The following TNS1 variants were observed in gnomAD, a reference collection of about 807,000 sequenced individuals.
TNS1 encodes tensin 1, also known as tensin-1.
TNS1 carries 62 observed loss-of-function variants against 168.6 expected under a neutral mutation model. The ratio of observed to expected loss-of-function variants is 0.37; its 90% CI spans 0.30 to 0.45. The LOEUF (loss-of-function observed/expected upper bound fraction) is 0.45. Among genes scored for constraint, TNS1 ranks in the 20% least tolerant of loss-of-function variants. The pLI, the probability that TNS1 is intolerant of heterozygous loss-of-function variation, is 1.00. For synonymous variants in TNS1, 934 were observed against 933.2 expected (o/e 1.00, Z -0.02); for missense variants, 2,240 against 2,339.4 (o/e 0.96, Z 0.88).
intron 2 of TNS1, among the ~76,000 whole-genome samples, chr2:217,982,679 A>C (rs562337428): frequency 1.3e-5 from 2 of 152,188 alleles, no homozygotes; most frequent in Non-Finnish European, 2.9e-5. Flanking sequence ...CTAGGATTAC[A>C]GGAGTGAACC....
intron 3 of TNS1, among the ~76,000 whole-genome samples, chr2:217,931,349 C>T (rs1184604629): frequency 2.0e-5 from 3 of 152,094 alleles, no homozygotes; most frequent in East Asian, 3.9e-4. Context: ...TGTGCTAGAA[C>T]AGTAAGGCAG....
intron 16 of TNS1, 104 bp downstream of exon 16, chr2:217,884,931 C>A: frequency 6.9e-7 from 1 of 1,452,962 alleles, no homozygotes; most frequent in Non-Finnish European, 9.4e-7. Context: ...AGACAGACCA[C>A]ATGGTCCAGA....
chr2:217,814,924 A>G lies in TNS1; in HGVS notation c.4717T>C (p.Ser1573Pro), dbSNP rs758939352. ...GCCCAGCACTCACCCTGCTCCCTGG[A>G]GATCTCAGGCTTGTACCAATACTTA... Reference protein sequence around the residue: ...TSKYWYKPEISREQAIALLKD... With the variant: ...TSKYWYKPEIPREQAIALLKD... The change falls in exon 25 of 33, where the codon TCC becomes CCC. Residue 1573 changes from serine (S) to proline (P), a missense_variant. Physicochemically the swap from Ser to Pro is moderately conservative, Grantham distance 74. This residue lies in a region of TNS1 where 2,131 missense variants were observed against 2,171.2 expected (regional missense o/e 0.98). Coordinates refer to ENST00000682258, the MANE Select transcript of TNS1 (RefSeq NM_001387777.1). 1.8e-5 allele frequency: 29 copies of G among 1,613,202 alleles called. No individual in the cohort carries two copies. The South Asian group carries it at 3.1e-4, about 17-fold the overall frequency.
chr2:217,852,249 G>C (rs1947605751), intron 18 of TNS1, among the ~76,000 whole-genome samples: 1 of 152,152 alleles, frequency 6.6e-6, no homozygotes, highest in Non-Finnish European at 1.5e-5. Context: ...TTGAGGATGG[G>C]GCCCCTTGGA....
chr2:217,900,309 G>T (rs753552282), intron 7 of TNS1, among the ~76,000 whole-genome samples, 154 bp downstream of exon 7: 13 of 152,236 alleles, frequency 8.5e-5, no homozygotes, highest in Non-Finnish European at 1.8e-4. Context: ...GCATCCGCAC[G>T]CATCCTCTCC....
chr2:217,974,424 G>A (rs1193714604), intron 3 of TNS1, among the ~76,000 whole-genome samples: 3 of 152,136 alleles, frequency 2.0e-5, no homozygotes, highest in African/African-American at 7.2e-5. Flanking sequence ...AGGAAGACTT[G>A]TTTCTCAAAA....
chr2:217,970,389 T>A (rs766617294), intron 3 of TNS1, among the ~76,000 whole-genome samples: 3 of 151,968 alleles, frequency 2.0e-5, no homozygotes, highest in Non-Finnish European at 2.9e-5. Flanking sequence ...ACAATTCCAC[T>A]CCCAACTACA....
At chr2:217,910,713 TACACACAC>T (rs10554233) in intron 4 of TNS1, among the ~76,000 whole-genome samples, 3,555 of 106,820 alleles carry the variant, frequency 0.033, 135 homozygotes, top group African/African-American at 0.1. Context: ...CACATACACA[TACACACAC>T]ACACACACAC....
intron 14 of TNS1, 81 bp downstream of exon 14, chr2:217,885,963 C>G: frequency 6.4e-7 from 1 of 1,573,132 alleles, no homozygotes; most frequent in Non-Finnish European, 8.7e-7. Context: ...AGAATATTCT[C>G]TCCTCTCCCC....
chr2:217,975,634 T>G (rs1957875539), intron 3 of TNS1, among the ~76,000 whole-genome samples: 1 of 152,124 alleles, frequency 6.6e-6, no homozygotes, highest in African/African-American at 2.4e-5. Context: ...TCCTAGAAAT[T>G]TCTCGCATAC....
intron 18 of TNS1, among the ~76,000 whole-genome samples, chr2:217,852,687 T>C (rs892987299): frequency 1.3e-4 from 20 of 152,224 alleles, no homozygotes; most frequent in African/African-American, 4.6e-4. Flanking sequence ...GCATCGATTT[T>C]GAAAATGTCA....
In TNS1 at chr2:217,848,438, C is replaced by T; in HGVS notation, c.2079G>A (p.Gly693=). 1 of 1,610,618 alleles carries T rather than the reference C, an allele frequency of 6.2e-7. No homozygotes were observed. The highest frequency in any genetic ancestry group is 1.1e-5 in the South Asian group (1 of 90,532). ...GYPYESASRA[G]PAHAGHTAPM... ...GGGCCGTGTGGCCAGCATGGGCAGG[C>T]CCCGCCCGGCTGGCAGACTCGTAGG... The change falls in exon 19 of 33, where the codon GGG becomes GGA. Residue 693 remains glycine, a synonymous_variant. Coordinates refer to ENST00000682258, the MANE Select transcript of TNS1 (RefSeq NM_001387777.1).
intron 24 of TNS1, among the ~76,000 whole-genome samples, chr2:217,815,624 G>A (rs1301294734): frequency 6.6e-6 from 1 of 152,272 alleles, no homozygotes; most frequent in South Asian, 2.1e-4. Flanking sequence ...CATTCCCACA[G>A]AGCCCACTGA....
intron 21 of TNS1, among the ~76,000 whole-genome samples, chr2:217,833,252 G>T (rs1414338860): frequency 6.6e-6 from 1 of 152,190 alleles, no homozygotes; most frequent in Non-Finnish European, 1.5e-5. Flanking sequence ...GCTCTCTCTT[G>T]GTTCCTCCCT....
chr2:217,920,847 G>A (rs1955637661), intron 3 of TNS1, among the ~76,000 whole-genome samples: 1 of 152,154 alleles, frequency 6.6e-6, no homozygotes, highest in South Asian at 2.1e-4. Context: ...AAGGCTTGGA[G>A]AGGCAGAAGC....
At chr2:217,836,315 C>A in intron 19 of TNS1, 104 bp from the exon 20 acceptor site, 5 of 1,142,480 alleles carry the variant, frequency 4.4e-6, no homozygotes, top group Non-Finnish European at 6.1e-6. Flanking sequence ...GCTCAGAGGC[C>A]ATGCTGGGGC....
chr2:217,915,473 T>C (rs4672855), intron 4 of TNS1, among the ~76,000 whole-genome samples: 144,091 of 152,288 alleles, frequency 0.95, 68,323 homozygotes, highest in African/African-American at 0.99. Flanking sequence ...AGAAAGGAAC[T>C]CTGAAGCCCC....
chr2:217,934,378 T>C (rs577911232), intron 3 of TNS1, among the ~76,000 whole-genome samples: 5 of 152,278 alleles, frequency 3.3e-5, no homozygotes, highest in African/African-American at 7.2e-5. Flanking sequence ...CAGGCTGCTG[T>C]GATTCAGTGG....
intron 18 of TNS1, among the ~76,000 whole-genome samples, chr2:217,851,014 C>A (rs984236500): frequency 6.6e-6 from 1 of 152,124 alleles, no homozygotes; most frequent in Non-Finnish European, 1.5e-5. Flanking sequence ...AGAGGGGAAA[C>A]CATTTATGTG....
Sources: allele counts gnomAD v4.1 joint callset (sites outside exome capture counted in the v4.1 genomes callset), GRCh38; gene constraint gnomAD v4.1.1; regional missense constraint gnomAD v4.1.1; transcripts MANE v1.5; gene names NCBI Gene and HGNC (gene_info 2026-07-23, HGNC 2026-07-21).